Variants in MED13L observed in about 807,000 individuals in gnomAD.
MED13L encodes the protein mediator complex subunit 13L.
In MED13L, 7 loss-of-function variants were observed where a neutral mutation model predicts 220.9. That is an observed-to-expected ratio of 0.03 (90% CI 0.02 to 0.06). The LOEUF (loss-of-function observed/expected upper bound fraction) is 0.06. MED13L is among the 10% of genes least tolerant of loss of function. The probability of loss-of-function intolerance (pLI) is 1.00; values close to 1 mark genes in which losing one functional copy is unlikely to be tolerated. For synonymous variants in MED13L, 1,011 were observed against 1,015.2 expected (o/e 1.00, Z 0.08); for missense variants, 1,965 against 2,760.5 (o/e 0.71, Z 6.46).
At chr12:116,211,824 T>C (rs190934212) in intron 2 of MED13L, among the ~76,000 whole-genome samples, 2 of 152,324 alleles carry the variant, frequency 1.3e-5, no homozygotes, top group Non-Finnish European at 1.5e-5. Context: ...ATTTTAATCC[T>C]CGATTCCATT....
Position 115,960,547 on chromosome 12 carries a change from G to C in MED13L, c.*719C>G, listed in dbSNP as rs1410356447. On this transcript the variant is annotated 3_prime_UTR_variant, in exon 31 of 31. Transcript: ENST00000281928. ...CTCCTTTTCCGGCTTCTAGGACAGAGGTATGTAGTCAAAGAATCCTATGGT... is the reference window on the plus strand; with the variant it reads ...CTCCTTTTCCGGCTTCTAGGACAGACGTATGTAGTCAAAGAATCCTATGGT... The C allele has an allele frequency of 6.5e-6, 1 of 153,306 alleles. No homozygotes were observed. Among genetic ancestry groups the C allele is most frequent in the Non-Finnish European group, 1.5e-5 (1 of 68,838 alleles). 9.5% of individuals were successfully genotyped at this position (153,306 alleles called of 1,614,324 possible).
intron 1 of MED13L, among the ~76,000 whole-genome samples, chr12:116,266,489 T>C (rs1872840079): frequency 6.6e-6 from 1 of 152,162 alleles, no homozygotes; most frequent in Admixed American, 6.5e-5. Context: ...AATCCTCTCC[T>C]TGGCCTAGAA....
Position 116,277,646 on chromosome 12 carries a change from C to G in MED13L, c.-515G>C, listed in dbSNP as rs1873999961. Among the ~76,000 whole-genome samples, 1 of 149,610 alleles carries G rather than the reference C, an allele frequency of 6.7e-6. No individual in the cohort carries two copies. Among genetic ancestry groups the G allele is most frequent in the Admixed American group, 6.6e-5 (1 of 15,080 alleles). On this transcript the variant is annotated 5_prime_UTR_variant, in exon 1 of 31. Transcript: ENST00000281928. ...CCCCCACCCCCCCCTCCTCCCCAGT[C>G]AGCCTCGCTTCTCCTCCCTCCCCGG...
At chr12:116,119,582 C>A (rs574319764) in intron 2 of MED13L, among the ~76,000 whole-genome samples, 48 of 151,918 alleles carry the variant, frequency 3.2e-4, no homozygotes, top group Non-Finnish European at 6.5e-4. Context: ...GTGCCTTACA[C>A]CTGTAATCCT....
chr12:116,076,121 G>T (rs1343510468), intron 4 of MED13L, among the ~76,000 whole-genome samples: 1 of 152,030 alleles, frequency 6.6e-6, no homozygotes, highest in African/African-American at 2.4e-5. Flanking sequence ...CACCGTGTTA[G>T]CCAGGATGGT....
At chr12:116,012,963 A>T (rs539191139) in intron 8 of MED13L, 62 bp from the exon 9 acceptor site, 1 of 1,226,030 alleles carries the variant, frequency 8.2e-7, no homozygotes, top group South Asian at 1.2e-5. Flanking sequence ...GGGGAGAAAA[A>T]TGTTCAAGAG....
chr12:116,274,087 C>A (rs1873612413), intron 1 of MED13L, among the ~76,000 whole-genome samples: 1 of 152,118 alleles, frequency 6.6e-6, no homozygotes, highest in Non-Finnish European at 1.5e-5. Context: ...AATCTCACAG[C>A]AGTTAGAATA....
intron 2 of MED13L, among the ~76,000 whole-genome samples, chr12:116,134,946 G>C (rs988927622): frequency 6.6e-6 from 1 of 152,124 alleles, no homozygotes. Context: ...GAGGCAGGCG[G>C]ATCACGAGGT....
At chr12:115,966,862 T>C (rs1439712862) in intron 28 of MED13L, among the ~76,000 whole-genome samples, 1 of 152,150 alleles carries the variant, frequency 6.6e-6, no homozygotes, top group Non-Finnish European at 1.5e-5. Context: ...CAATAAGTAA[T>C]GCATTTGTTT....
chr12:116,090,591 T>TAGAGAATC (rs759320212), intron 4 of MED13L, among the ~76,000 whole-genome samples: 2 of 152,168 alleles, frequency 1.3e-5, no homozygotes, highest in African/African-American at 2.4e-5. Context: ...TCACTTCACT[T>TAGAGAATC]AGAGAATCAG....
At chr12:116,246,722 G>C (rs2138500198) in intron 1 of MED13L, among the ~76,000 whole-genome samples, 1 of 125,872 alleles carries the variant, frequency 7.9e-6, no homozygotes, top group East Asian at 2.5e-4. Flanking sequence ...CAAGCAGAAG[G>C]ATCACCTGAG....
chr12:116,039,432 T>C (rs2137535662), intron 4 of MED13L, among the ~76,000 whole-genome samples: 1 of 152,352 alleles, frequency 6.6e-6, no homozygotes, highest in South Asian at 2.1e-4. Context: ...TTGTCTTCCA[T>C]ACTCTTCCCA....
chr12:115,966,320 T>G (rs1876157152), intron 28 of MED13L, 77 bp from the exon 29 acceptor site: 5 of 1,504,630 alleles, frequency 3.3e-6, no homozygotes, highest in Non-Finnish European at 3.7e-6. Flanking sequence ...CAGTTCACTC[T>G]GCACACTGCA....
intron 4 of MED13L, among the ~76,000 whole-genome samples, chr12:116,080,086 CAAT>C (rs1370556095): frequency 1.4e-4 from 21 of 151,370 alleles, no homozygotes; most frequent in African/African-American, 4.6e-4. Context: ...TGGCCCAAGA[CAAT>C]TCTTCTTCTT....
chr12:116,007,144 ATGAGAGAAAACATGCACTGTAC>A, intron 11 of MED13L: 1 of 485,800 alleles, frequency 2.1e-6, no homozygotes, highest in South Asian at 2.3e-5. Context: ...GAATTAGCAT[ATGAGAGAAAACATGCACTGTAC>A]AAGCTATAGC....
intron 2 of MED13L, among the ~76,000 whole-genome samples, chr12:116,117,916 TCCTA>T (rs1216225095): frequency 1.3e-5 from 2 of 152,128 alleles, no homozygotes; most frequent in South Asian, 2.1e-4. Flanking sequence ...CAAGCAATCC[TCCTA>T]CCTAAGTCTC....
At chr12:116,014,933 T>A (rs1232679188) in intron 8 of MED13L, among the ~76,000 whole-genome samples, 176 bp downstream of exon 8, 16 of 152,196 alleles carry the variant, frequency 1.1e-4, no homozygotes, top group Non-Finnish European at 2.1e-4. Context: ...ACAGTAAATG[T>A]CTTGATTTTA....
chr12:116,236,111 T>C (rs1870057170), intron 2 of MED13L, among the ~76,000 whole-genome samples: 1 of 152,222 alleles, frequency 6.6e-6, no homozygotes, highest in South Asian at 2.1e-4. Flanking sequence ...AGAATCCAGA[T>C]GTTCTGAAAC....
intron 4 of MED13L, among the ~76,000 whole-genome samples, chr12:116,024,372 T>TC (rs1880242295): frequency 6.6e-6 from 1 of 152,066 alleles, no homozygotes; most frequent in African/African-American, 2.4e-5. Flanking sequence ...GGCTAACCAG[T>TC]AGTGATTTCT....
Sources: allele counts gnomAD v4.1 joint callset (sites outside exome capture counted in the v4.1 genomes callset), GRCh38; gene constraint gnomAD v4.1.1; transcripts MANE v1.5; gene names NCBI Gene and HGNC (gene_info 2026-07-23, HGNC 2026-07-21).